FAM178B: variants seen among roughly 807,000 people sequenced by gnomAD.
FAM178B encodes protein FAM178B.
FAM178B carries 82 observed loss-of-function variants against 91.7 expected under a neutral mutation model. That is an observed-to-expected ratio of 0.89 (90% CI 0.75 to 1.07). The LOEUF is 1.07. FAM178B is among the 50% of genes least tolerant of loss of function. FAM178B has a pLI of 0.00. For missense variants in FAM178B, 769 were observed against 846.7 expected, an observed-to-expected ratio of 0.91 and a Z score of 1.14; for synonymous variants, 368 against 359.4, an observed-to-expected ratio of 1.02 and a Z score of -0.27.
At chr2:96,968,140 C>T (rs1299313294) in intron 4 of FAM178B, among the ~76,000 whole-genome samples, 5 of 151,746 alleles carry the variant, frequency 3.3e-5, no homozygotes, top group East Asian at 1.9e-4. Context: ...TCCTCAGCCA[C>T]GTGACCAGGA....
chr2:96,923,716 G>A (rs528710340), intron 9 of FAM178B, 133 bp from the exon 10 acceptor site: 40 of 670,836 alleles, frequency 6.0e-5, no homozygotes, highest in Non-Finnish European at 2.6e-6. Context: ...CCACACAGAT[G>A]ATCTCATGAG....
At chr2:96,936,356 C>T (rs968249845) in intron 8 of FAM178B, among the ~76,000 whole-genome samples, 19 of 121,058 alleles carry the variant, frequency 1.6e-4, no homozygotes, top group African/African-American at 4.5e-4. Context: ...CGCCCGCCAC[C>T]ACGCCCGGCT....
At chr2:96,925,564 C>T (rs185916990) in intron 9 of FAM178B, among the ~76,000 whole-genome samples, 17 of 152,352 alleles carry the variant, frequency 1.1e-4, no homozygotes, top group South Asian at 2.1e-4. Flanking sequence ...GGGAATTCAA[C>T]GGCCTATCTA....
chr2:96,920,134 A>G (rs540851316), intron 12 of FAM178B, among the ~76,000 whole-genome samples: 1 of 152,158 alleles, frequency 6.6e-6, no homozygotes, highest in Non-Finnish European at 1.5e-5. Flanking sequence ...GAAGAGGGAG[A>G]GAGAAGAGCA....
chr2:96,985,563 A>C (rs1574335021), intron 1 of FAM178B, among the ~76,000 whole-genome samples: 1 of 152,210 alleles, frequency 6.6e-6, no homozygotes, highest in African/African-American at 2.4e-5. Flanking sequence ...AATCTGTCTT[A>C]AAGTGTAGCA....
chr2:96,947,921 C>T lies in FAM178B; in HGVS notation c.994-19G>A. The T allele has an allele frequency of 1.5e-6, 2 of 1,330,148 alleles. No homozygotes were observed. Among genetic ancestry groups the T allele is most frequent in the Non-Finnish European group, 2.1e-6 (2 of 967,216 alleles). 82.4% of individuals were successfully genotyped at this position (1,330,148 alleles called of 1,614,324 possible). On this transcript the variant is annotated intron_variant, in intron 7 of 16. Transcript: ENST00000490605. The stretch of plus-strand genomic sequence containing the variant: ...TCAGCAGCTAGGTGGAAAAAAAAAA[C>T]AAAAACAAAAACCTGGTGAGCTGGG...
chr2:96,893,783 C>T, intron 14 of FAM178B, 143 bp downstream of exon 14: 1 of 1,023,202 alleles, frequency 9.8e-7, no homozygotes, highest in Non-Finnish European at 1.4e-6. Flanking sequence ...CACAGGGAGG[C>T]AGCCTGTTGG....
At chr2:96,899,983 C>T (rs2080896136) in intron 13 of FAM178B, among the ~76,000 whole-genome samples, 1 of 151,528 alleles carries the variant, frequency 6.6e-6, no homozygotes, top group South Asian at 2.1e-4. Context: ...TCCTCCATGA[C>T]ACTTCCCCTC....
chr2:96,877,217 A>G (rs1394258094), intron 16 of FAM178B, among the ~76,000 whole-genome samples: 1 of 152,082 alleles, frequency 6.6e-6, no homozygotes, highest in Non-Finnish European at 1.5e-5. Context: ...TCCTCCTAAC[A>G]CAGCAGGAGA....
intron 5 of FAM178B, among the ~76,000 whole-genome samples, chr2:96,965,291 G>A (rs1429988826): frequency 1.3e-5 from 2 of 151,964 alleles, no homozygotes; most frequent in African/African-American, 4.8e-5. Context: ...TACAAGATGA[G>A]AGCCACCATG....
chr2:96,985,628 C>A (rs1486721759), intron 1 of FAM178B, among the ~76,000 whole-genome samples: 1 of 152,128 alleles, frequency 6.6e-6, no homozygotes, highest in African/African-American at 2.4e-5. Context: ...GTCAAAAGAG[C>A]CAAGATGAAT....
At chr2:96,978,974 CTTTTTT>C (rs559416706) in intron 1 of FAM178B, among the ~76,000 whole-genome samples, 7 of 56,774 alleles carry the variant, frequency 1.2e-4, no homozygotes, top group Admixed American at 5.1e-4. Context: ...GTATGTATCA[CTTTTTT>C]TTTTTTTTTT....
intron 10 of FAM178B, 33 bp from the exon 11 acceptor site, chr2:96,921,687 G>A (rs1273639866): frequency 6.5e-7 from 1 of 1,547,644 alleles, no homozygotes; most frequent in Non-Finnish European, 8.7e-7. Context: ...GGGTGGCCAG[G>A]GCATGGGGGA....
At chr2:96,911,678 CG>C (rs1215560489) in intron 12 of FAM178B, among the ~76,000 whole-genome samples, 1 of 152,138 alleles carries the variant, frequency 6.6e-6, no homozygotes, top group Non-Finnish European at 1.5e-5. Context: ...GATGCTCTGG[CG>C]GAAATCCAAG....
chr2:96,959,601 C>T (rs1227724264), intron 6 of FAM178B, among the ~76,000 whole-genome samples: 2 of 152,180 alleles, frequency 1.3e-5, no homozygotes, highest in Non-Finnish European at 1.5e-5. Flanking sequence ...ACCGCCCTGG[C>T]CTCCAGCCCC....
At chr2:96,979,903 G>GGGAATA (rs1286577161) in intron 1 of FAM178B, among the ~76,000 whole-genome samples, 6 of 152,212 alleles carry the variant, frequency 3.9e-5, no homozygotes, top group Non-Finnish European at 8.8e-5. Context: ...ATGGGTCACA[G>GGGAATA]GGAATAGGTA....
chr2:96,895,065 A>G, intron 13 of FAM178B: 3 of 1,289,410 alleles, frequency 2.3e-6, no homozygotes, highest in Non-Finnish European at 3.0e-6. Context: ...CATCACCATG[A>G]GCAAGACCAC....
intron 13 of FAM178B, among the ~76,000 whole-genome samples, chr2:96,899,110 G>A (rs994710335): frequency 2.6e-5 from 4 of 152,256 alleles, no homozygotes; most frequent in African/African-American, 9.6e-5. Flanking sequence ...CCCTGGGCTT[G>A]CAGTGGAGAT....
In FAM178B at chr2:96,986,345, G is replaced by T; in HGVS notation, c.-32C>A. 6.5e-7 allele frequency: 1 copy of T among 1,529,092 alleles called. No individual in the cohort carries two copies. 94.7% of individuals were successfully genotyped at this position (1,529,092 alleles called of 1,614,324 possible). On this transcript the variant is annotated 5_prime_UTR_variant, in exon 1 of 17. Transcript: ENST00000490605. ...GGAAGGGCAGGGCTCCGGGGTGAGGGAGGGTGGCGGGAATTCGCACGGCCT... is the reference window on the plus strand; with the variant it reads ...GGAAGGGCAGGGCTCCGGGGTGAGGTAGGGTGGCGGGAATTCGCACGGCCT...
Sources: allele counts gnomAD v4.1 joint callset (sites outside exome capture counted in the v4.1 genomes callset), GRCh38; gene constraint gnomAD v4.1.1; transcripts MANE v1.5; gene names NCBI Gene and HGNC (gene_info 2026-07-23, HGNC 2026-07-21).